Variants in P3H2 observed in about 807,000 individuals in gnomAD.
P3H2 encodes prolyl 3-hydroxylase 2.
P3H2 carries 80 observed loss-of-function variants against 87.0 expected under a neutral mutation model. The observed-to-expected ratio is 0.92, with a 90% confidence interval of 0.77 to 1.11. The LOEUF (loss-of-function observed/expected upper bound fraction) is 1.11, where lower values mean the gene tolerates loss of function less well. P3H2 is among the 50% of genes least tolerant of loss of function. The pLI, the probability that P3H2 is intolerant of heterozygous loss-of-function variation, is 0.00. For synonymous variants in P3H2, 367 were observed against 359.3 expected (o/e 1.02, Z -0.24); for missense variants, 1,001 against 923.9 (o/e 1.08, Z -1.08).
chr3:190,033,373 A>C (rs1725318299), intron 1 of P3H2, among the ~76,000 whole-genome samples: 1 of 152,232 alleles, frequency 6.6e-6, no homozygotes, highest in Non-Finnish European at 1.5e-5. Context: ...CTTTATTAAA[A>C]TTAATATTGG....
chr3:190,007,965 C>CACACACACATATATATATATAT, intron 1 of P3H2, among the ~76,000 whole-genome samples: 2,902 of 94,138 alleles, frequency 0.031, 134 homozygotes, highest in East Asian at 0.11. Context: ...TGTTGACACA[C>CACACACACATATATATATATAT]ATATATATAT....
At chr3:190,121,015 C>G (rs573902087), upstream of P3H2, 45 of 463,564 alleles carry the variant, frequency 9.7e-5, no homozygotes, top group South Asian at 1.0e-3. Context: ...GCGGGGCTGC[C>G]AGGGGCGGCA....
At chr3:189,969,475 A>C in intron 13 of P3H2, 2 of 926,226 alleles carry the variant, frequency 2.2e-6, no homozygotes, top group Non-Finnish European at 3.6e-6. Context: ...TAGCACAACA[A>C]TGACTTCCAT....
At chr3:190,052,153 G>A (rs781046545) in intron 1 of P3H2, among the ~76,000 whole-genome samples, 14 of 152,078 alleles carry the variant, frequency 9.2e-5, no homozygotes, top group African/African-American at 1.4e-4. Flanking sequence ...TACATGTGCC[G>A]TGGTGGTTTG....
At chr3:190,098,750 G>A (rs1290302491) in intron 1 of P3H2, among the ~76,000 whole-genome samples, 3 of 152,104 alleles carry the variant, frequency 2.0e-5, no homozygotes, top group Admixed American at 1.3e-4. Flanking sequence ...ACCACCAACA[G>A]TTTCAGACTT....
At chr3:190,078,705 G>T (rs1276755588) in intron 1 of P3H2, among the ~76,000 whole-genome samples, 1 of 152,144 alleles carries the variant, frequency 6.6e-6, no homozygotes, top group Non-Finnish European at 1.5e-5. Flanking sequence ...TCATAGGTAA[G>T]AAAAAATAGG....
At chr3:190,020,673 G>C (rs149432309) in intron 1 of P3H2, among the ~76,000 whole-genome samples, 1,347 of 133,740 alleles carry the variant, frequency 0.01, 186 homozygotes, top group African/African-American at 0.032. Context: ...TGGGTCTCTA[G>C]GGTGAAGCCC....
chr3:189,981,235 A>C (rs1252025538), intron 8 of P3H2, among the ~76,000 whole-genome samples: 1 of 152,228 alleles, frequency 6.6e-6, no homozygotes, highest in Non-Finnish European at 1.5e-5. Flanking sequence ...TAGCTGGTCA[A>C]TGAGGGGTTG....
chr3:190,038,965 G>A (rs550851060), intron 1 of P3H2, among the ~76,000 whole-genome samples: 43 of 152,252 alleles, frequency 2.8e-4, no homozygotes, highest in African/African-American at 5.5e-4. Context: ...CAAGGCGGGC[G>A]GATCACCTGA....
At chr3:189,988,797 T>C in intron 4 of P3H2, 110 bp downstream of exon 4, 2 of 1,351,460 alleles carry the variant, frequency 1.5e-6, no homozygotes, top group Non-Finnish European at 2.1e-6. Flanking sequence ...AAATTCCTAT[T>C]GCTTTCATAA....
At chr3:189,991,556 G>A (rs1253921764) in intron 3 of P3H2, among the ~76,000 whole-genome samples, 2 of 152,152 alleles carry the variant, frequency 1.3e-5, no homozygotes, top group African/African-American at 4.8e-5. Flanking sequence ...TCTACTATTT[G>A]CCACTCACTC....
chr3:190,058,371 C>T (rs986916568), intron 1 of P3H2, among the ~76,000 whole-genome samples: 1 of 152,124 alleles, frequency 6.6e-6, no homozygotes, highest in African/African-American at 2.4e-5. Flanking sequence ...TCCCCGCCCC[C>T]AAGGAATAAA....
At chr3:190,111,815 T>A (rs1458792764) in intron 1 of P3H2, among the ~76,000 whole-genome samples, 2 of 152,184 alleles carry the variant, frequency 1.3e-5, no homozygotes, top group East Asian at 3.9e-4. Context: ...ATTCTTGCCA[T>A]AAACAATATT....
At chr3:190,060,355 C>T (rs1311557117) in intron 1 of P3H2, among the ~76,000 whole-genome samples, 1 of 152,102 alleles carries the variant, frequency 6.6e-6, no homozygotes, top group Non-Finnish European at 1.5e-5. Context: ...ATTCAGCATC[C>T]AAGTCCGCCA....
chr3:190,118,447 T>C (rs1238069992), intron 1 of P3H2, among the ~76,000 whole-genome samples: 1 of 151,982 alleles, frequency 6.6e-6, no homozygotes, highest in Non-Finnish European at 1.5e-5. Flanking sequence ...CCTCTCTGCC[T>C]GGTGTTGACT....
At position 189,964,074 on chromosome 3, in the gene P3H2, G is replaced by A. The variant is rs758007118; in HGVS notation, c.1918C>T (p.Arg640Cys). The A allele has an allele frequency of 2.3e-5, 37 of 1,613,952 alleles. No individual in the cohort carries two copies. Among genetic ancestry groups the A allele is most frequent in the Non-Finnish European group, 2.7e-5 (32 of 1,179,990 alleles). ...VTASIKPKCG[R>C]MISFSSGGEN... ...CCTCCAGATGAGAAGCTGATCATGC[G>A]CCCACATTTTGGTTTTATAGAGGCC... is the stretch of plus-strand genomic sequence containing the variant. The change falls in exon 14 of 15, where the codon CGC (arginine) becomes TGC (cysteine). Residue 640 changes from arginine (R) to cysteine (C), a missense_variant. By Grantham distance (180) the Arg-to-Cys change is radical. Coordinates refer to ENST00000319332, the MANE Select transcript of P3H2 (RefSeq NM_018192.4).
chr3:190,065,622 C>T (rs943722326), intron 1 of P3H2, among the ~76,000 whole-genome samples: 3 of 151,982 alleles, frequency 2.0e-5, no homozygotes, highest in African/African-American at 2.4e-5. Flanking sequence ...TTAGTCAATA[C>T]AGGATTCAAA....
intron 1 of P3H2, among the ~76,000 whole-genome samples, chr3:190,089,511 C>T (rs1397674607): frequency 6.6e-6 from 1 of 152,194 alleles, no homozygotes; most frequent in Non-Finnish European, 1.5e-5. Flanking sequence ...TTAATGTCTC[C>T]TTCCTTGTGA....
At chr3:190,002,550 G>A (rs1169275852) in intron 1 of P3H2, among the ~76,000 whole-genome samples, 3 of 151,850 alleles carry the variant, frequency 2.0e-5, no homozygotes, top group African/African-American at 4.8e-5. Context: ...ACAGGCACGC[G>A]CCAACACACC....
Sources: gnomAD v4.1 joint callset for allele counts (sites outside exome capture counted in the v4.1 genomes callset) on GRCh38, gnomAD v4.1.1 for gene constraint, MANE v1.5 for transcripts, NCBI Gene and HGNC (gene_info 2026-07-23, HGNC 2026-07-21) for gene names.